CSMD1: variants seen among roughly 807,000 people sequenced by gnomAD.
CSMD1 encodes CUB and Sushi multiple domains 1.
Under a neutral mutation model 417.5 loss-of-function variants are expected in CSMD1, and 213 were observed. The observed-to-expected ratio is 0.51, with a 90% confidence interval of 0.46 to 0.57. The LOEUF (loss-of-function observed/expected upper bound fraction) is 0.57, where lower values mean the gene tolerates loss of function less well. CSMD1 is among the 20% of genes least tolerant of loss of function. The pLI is 0.00. For missense variants in CSMD1, 6,923 were observed against 4,529.7 expected, an observed-to-expected ratio of 1.53 and a Z score of -15.17; for synonymous variants, 2,862 against 1,736.8, an observed-to-expected ratio of 1.65 and a Z score of -16.11.
intron 1 of CSMD1, among the ~76,000 whole-genome samples, chr8:4,710,481 T>C (rs1246250291): frequency 6.8e-6 from 1 of 148,002 alleles, no homozygotes; most frequent in African/African-American, 2.5e-5. Context: ...TATATATATA[T>C]GTATCTCTGT....
Position 4,006,055 on chromosome 8 carries a change from G to A in CSMD1, c.611-7945C>T, listed in dbSNP as rs190663134. 8.4e-4 allele frequency among the ~76,000 whole-genome samples: 128 copies of A among 152,276 alleles called. 1 individual carries two copies. The highest frequency in any genetic ancestry group is 2.6e-3 in the African/African-American group (109 of 41,564). ...GATTTGAAAAAAAGGAACTATTCAA[G>A]GAATGAGCTGGAGGAAGAGCATTCC... On this transcript the variant is annotated intron_variant, in intron 4 of 69. Coordinates refer to ENST00000635120, the MANE Select transcript of CSMD1 (RefSeq NM_033225.6).
chr8:4,220,516 G>A (rs949359597), intron 3 of CSMD1, among the ~76,000 whole-genome samples: 15 of 152,176 alleles, frequency 9.9e-5, no homozygotes, highest in Non-Finnish European at 1.9e-4. Flanking sequence ...TAATCCTAGT[G>A]CAAGAGTGGA....
chr8:3,016,627 T>G (rs1483349077), intron 52 of CSMD1, among the ~76,000 whole-genome samples: 5 of 152,250 alleles, frequency 3.3e-5, no homozygotes, highest in African/African-American at 1.2e-4. Context: ...GTATGTGTCA[T>G]TTCTAATCTT....
intron 12 of CSMD1, among the ~76,000 whole-genome samples, chr8:3,441,306 G>A (rs186520130): frequency 1.5e-4 from 23 of 152,140 alleles, no homozygotes; most frequent in Non-Finnish European, 2.6e-4. Context: ...ATTTGTGGTG[G>A]TTAGTTTCCT....
At chr8:4,044,969 G>C (rs1032503219) in intron 3 of CSMD1, among the ~76,000 whole-genome samples, 5 of 152,328 alleles carry the variant, frequency 3.3e-5, no homozygotes, top group Non-Finnish European at 5.9e-5. Context: ...TCAACATCTT[G>C]TTCACGGAGG....
chr8:3,820,536 C>T (rs981411064), intron 5 of CSMD1, among the ~76,000 whole-genome samples: 3 of 152,102 alleles, frequency 2.0e-5, no homozygotes, highest in South Asian at 2.1e-4. Flanking sequence ...GGTAACAATG[C>T]CTTTTTCTTC....
rs147715579 is a variant in CSMD1 at position 4,149,076 on chromosome 8, G to A, written c.416-116977C>T. Among the ~76,000 whole-genome samples, 318 of 151,538 alleles carry A rather than the reference G, an allele frequency of 2.1e-3. 1 individual carries two copies. Among genetic ancestry groups the A allele is most frequent in the African/African-American group, 7.2e-3 (296 of 41,256 alleles). ...CCTCCCAGGTTCAAGCGATTCTCCT[G>A]CCTCAGCCTCCCAAGTAGCTGGGAT... On this transcript the variant is annotated intron_variant, in intron 3 of 69. Transcript: ENST00000635120.
chr8:4,577,908 G>A (rs1027715189), intron 2 of CSMD1, among the ~76,000 whole-genome samples: 1 of 152,126 alleles, frequency 6.6e-6, no homozygotes, highest in African/African-American at 2.4e-5. Flanking sequence ...TCAAGTCCTA[G>A]GAAACAAGCC....
chr8:3,920,850 A>G (rs2129143945), intron 5 of CSMD1, among the ~76,000 whole-genome samples: 1 of 152,238 alleles, frequency 6.6e-6, no homozygotes, highest in East Asian at 1.9e-4. Flanking sequence ...TGATCCCTTT[A>G]ATGTGCTATT....
At chr8:4,006,155 T>G (rs954347659) in intron 4 of CSMD1, among the ~76,000 whole-genome samples, 1 of 152,210 alleles carries the variant, frequency 6.6e-6, no homozygotes, top group African/African-American at 2.4e-5. Flanking sequence ...ATTTATGTAC[T>G]GCAAATTCCC....
chr8:3,366,214 T>C (rs1585058759), intron 20 of CSMD1, among the ~76,000 whole-genome samples: 1 of 152,164 alleles, frequency 6.6e-6, no homozygotes, highest in Admixed American at 6.5e-5. Context: ...TTGGCAGCTG[T>C]AGTGCAGCAG....
In CSMD1 at chr8:3,699,072, C is replaced by G. The variant is rs902247042; in HGVS notation, c.1009+9342G>C. ...AAGCACTCTGCAGAAAGGCAGCATG[C>G]ATTCGCTGAAATTCTTCAAATGACC... is the stretch of plus-strand genomic sequence containing the variant. On this transcript the variant is annotated intron_variant, in intron 7 of 69. Coordinates refer to ENST00000635120, the MANE Select transcript of CSMD1 (RefSeq NM_033225.6). 2.0e-5 allele frequency among the ~76,000 whole-genome samples: 3 copies of G among 152,120 alleles called. 1 individual carries two copies. The highest frequency in any genetic ancestry group is 2.0e-4 in the Admixed American group (3 of 15,284).
rs974582365 is a variant in CSMD1, at chr8:4,575,190, C to T, written c.302+62152G>A. On this transcript the variant is annotated intron_variant, in intron 2 of 69. Coordinates refer to ENST00000635120, the MANE Select transcript of CSMD1 (RefSeq NM_033225.6). ...CCAAGAACTGTATCTTATCACTTGACCTCTTCCAAGGTTACTATAATTCTC... is the reference window on the plus strand; with the variant it reads ...CCAAGAACTGTATCTTATCACTTGATCTCTTCCAAGGTTACTATAATTCTC... Among the ~76,000 whole-genome samples the T allele has an allele frequency of 3.9e-5, 6 of 152,294 alleles. No homozygotes were observed. In the East Asian group the frequency reaches 1.2e-3, roughly 29 times the overall value.
intron 1 of CSMD1, among the ~76,000 whole-genome samples, chr8:4,658,229 AATCAAC>A (rs1458779711): frequency 1.3e-5 from 2 of 152,210 alleles, no homozygotes; most frequent in Admixed American, 1.3e-4. Flanking sequence ...AATCAAAATA[AATCAAC>A]ACATTCGAGA....
intron 1 of CSMD1, among the ~76,000 whole-genome samples, chr8:4,813,491 T>C (rs1186902960): frequency 4.6e-5 from 7 of 152,196 alleles, no homozygotes; most frequent in African/African-American, 7.2e-5. Context: ...TATCAGAAGC[T>C]GTCTGATTTG....
intron 5 of CSMD1, among the ~76,000 whole-genome samples, chr8:3,842,636 T>C (rs535614551): frequency 2.0e-5 from 3 of 152,290 alleles, no homozygotes; most frequent in East Asian, 1.9e-4. Context: ...CTAGAGTTTC[T>C]ATTTTTTAGA....
chr8:3,927,003 C>T (rs186650938), intron 5 of CSMD1, among the ~76,000 whole-genome samples: 17 of 151,866 alleles, frequency 1.1e-4, no homozygotes, highest in East Asian at 9.7e-4. Context: ...CGTGAGCCAC[C>T]GTGCCCGGCC....
rs761980753 is a variant in CSMD1 at position 3,106,530 on chromosome 8, T to C, written c.6947A>G (p.Glu2316Gly). The C allele has an allele frequency of 3.7e-6, 6 of 1,605,526 alleles. No individual in the cohort carries two copies. The East Asian group carries it at 1.3e-4, about 36-fold the overall frequency. Residue 2316 changes from glutamate to glycine, a missense_variant and splice_region_variant, in exon 46 of 70, where the codon GAA (glutamate) becomes GGA (glycine). Physicochemically the swap from Glu to Gly is moderately conservative, Grantham distance 98. Coordinates refer to ENST00000635120, the MANE Select transcript of CSMD1 (RefSeq NM_033225.6). ...TTTTAGTATCGAACAGTGCATACCT[T>C]CACATGTTGGGAGAGAACCCTCAAA... ...LQFEGSLPTCEAQCPANEVRT... is the reference protein window; with the variant it reads ...LQFEGSLPTCGAQCPANEVRT...
chr8:4,299,166 G>C (rs527717609), intron 3 of CSMD1, among the ~76,000 whole-genome samples: 70 of 152,148 alleles, frequency 4.6e-4, no homozygotes, highest in Admixed American at 1.6e-3. Flanking sequence ...CTTCAAAAAA[G>C]AAACGTTGTA....
Sources: allele counts gnomAD v4.1 joint callset (sites outside exome capture counted in the v4.1 genomes callset), GRCh38; gene constraint gnomAD v4.1.1; transcripts MANE v1.5; gene names NCBI Gene and HGNC (gene_info 2026-07-23, HGNC 2026-07-21).